The following TMEM170B variants were observed in gnomAD, a reference collection of about 807,000 sequenced individuals.
The protein encoded by TMEM170B is transmembrane protein 170B.
TMEM170B carries 6 observed loss-of-function variants against 13.0 expected under a neutral mutation model. The ratio of observed to expected loss-of-function variants is 0.46; its 90% CI spans 0.25 to 0.91. The LOEUF (loss-of-function observed/expected upper bound fraction) is 0.91. Ranked by LOEUF, TMEM170B falls within the 40% of genes least tolerant of loss-of-function variation. TMEM170B has a pLI of 0.17. For synonymous variants in TMEM170B, 61 were observed against 64.9 expected (o/e 0.94, Z 0.29); for missense variants, 138 against 165.2 (o/e 0.84, Z 0.90).
rs1436286050 is a variant in TMEM170B, at chr6:11,565,803, T to C, written c.235T>C (p.Phe79Leu). The change falls in exon 2 of 3, where the codon TTT becomes CTT. Residue 79 changes from phenylalanine (F) to leucine (L), a missense_variant. Phe to Leu is a conservative substitution (Grantham distance 22). Transcript: ENST00000379426. Reference sequence around the variant, plus strand: ...CTCTGTCATTGCAGTCAGCATTGGATTTCTGGCTTCTGTAACTGGAGCGAT... The same window carrying C: ...CTCTGTCATTGCAGTCAGCATTGGACTTCTGGCTTCTGTAACTGGAGCGAT... ...VISVIAVSIGFLASVTGAMIT... is the reference protein window; with the variant it reads ...VISVIAVSIGLLASVTGAMIT... 1.9e-6 allele frequency: 3 copies of C among 1,614,050 alleles called. No individual in the cohort carries two copies. Among genetic ancestry groups the C allele is most frequent in the African/African-American group, 2.7e-5 (2 of 74,938 alleles).
chr6:11,546,254 T>TTTTTTTTA (rs1374700253), intron 1 of TMEM170B, among the ~76,000 whole-genome samples: 50 of 152,136 alleles, frequency 3.3e-4, no homozygotes, highest in African/African-American at 1.1e-3. Flanking sequence ...AATTTTTTTT[T>TTTTTTTTA]AATTTTAGAA....
intron 1 of TMEM170B, among the ~76,000 whole-genome samples, chr6:11,565,352 A>G (rs1259332627): frequency 6.6e-6 from 1 of 152,238 alleles, no homozygotes; most frequent in Non-Finnish European, 1.5e-5. Flanking sequence ...TTATAATTCT[A>G]AGAAGTTTAC....
intron 1 of TMEM170B, among the ~76,000 whole-genome samples, chr6:11,547,247 G>A (rs781466542): frequency 3.3e-5 from 5 of 152,102 alleles, no homozygotes; most frequent in African/African-American, 1.2e-4. Flanking sequence ...TGAATATTTA[G>A]TATATATATT....
chr6:11,547,527 A>C (rs1164528566), intron 1 of TMEM170B, among the ~76,000 whole-genome samples: 1 of 152,202 alleles, frequency 6.6e-6, no homozygotes, highest in African/African-American at 2.4e-5. Context: ...TTTTTAAAAA[A>C]TGTGAAAAGT....
intron 1 of TMEM170B, among the ~76,000 whole-genome samples, chr6:11,541,400 C>A (rs1759359234): frequency 6.6e-6 from 1 of 152,160 alleles, no homozygotes; most frequent in African/African-American, 2.4e-5. Flanking sequence ...ATAGAGGTGT[C>A]TTTTGTTAAA....
chr6:11,560,179 T>A (rs1401651947), intron 1 of TMEM170B, among the ~76,000 whole-genome samples: 1 of 151,912 alleles, frequency 6.6e-6, no homozygotes, highest in African/African-American at 2.4e-5. Flanking sequence ...TTATTTTTTA[T>A]TTTTTGAGAC....
chr6:11,557,104 C>T (rs1479798092), intron 1 of TMEM170B, among the ~76,000 whole-genome samples: 1 of 152,160 alleles, frequency 6.6e-6, no homozygotes, highest in East Asian at 1.9e-4. Context: ...AAAATTGTAG[C>T]TGATTTCTTC....
intron 1 of TMEM170B, among the ~76,000 whole-genome samples, chr6:11,561,488 C>T (rs1436187827): frequency 2.6e-5 from 4 of 152,184 alleles, no homozygotes; most frequent in Non-Finnish European, 5.9e-5. Flanking sequence ...GTTCTCTTCA[C>T]CTGAACTAAT....
Position 11,580,337 on chromosome 6 carries a change from A to G in TMEM170B, c.*4776A>G, listed in dbSNP as rs938689357. The G allele has an allele frequency of 6.6e-6, 1 of 152,004 alleles. No homozygotes were observed. Among genetic ancestry groups the G allele is most frequent in the African/African-American group, 2.4e-5 (1 of 41,370 alleles). 9.4% of individuals were successfully genotyped at this position (152,004 alleles called of 1,614,324 possible). A position where few individuals can be genotyped will look rare whatever the true frequency, so the allele number is the denominator to read the frequency against. On this transcript the variant is annotated 3_prime_UTR_variant, in exon 3 of 3. Coordinates refer to ENST00000379426, the MANE Select transcript of TMEM170B (RefSeq NM_001100829.3). ...CTATTTTTTTTTAACTTCAAATACT[A>G]TTATTTTAAATTTATGTTCATTATG...
At chr6:11,546,667 T>G (rs1759445369) in intron 1 of TMEM170B, among the ~76,000 whole-genome samples, 1 of 152,222 alleles carries the variant, frequency 6.6e-6, no homozygotes, top group Admixed American at 6.5e-5. Context: ...TCCCATTGTG[T>G]TACAATTGCC....
At chr6:11,559,202 T>A (rs1254963983) in intron 1 of TMEM170B, among the ~76,000 whole-genome samples, 2 of 150,918 alleles carry the variant, frequency 1.3e-5, no homozygotes, top group Non-Finnish European at 3.0e-5. Flanking sequence ...CTTTTCTTTT[T>A]TTTTTTTTTG....
At chr6:11,567,355 T>TA (rs1759748224) in intron 2 of TMEM170B, among the ~76,000 whole-genome samples, 1 of 152,256 alleles carries the variant, frequency 6.6e-6, no homozygotes, top group Non-Finnish European at 1.5e-5. Flanking sequence ...GGCAGCTCAC[T>TA]GCTACCACTG....
chr6:11,565,397 T>G (rs527581896), intron 1 of TMEM170B, among the ~76,000 whole-genome samples: 1 of 152,182 alleles, frequency 6.6e-6, no homozygotes, highest in Non-Finnish European at 1.5e-5. Context: ...AATTGATGGA[T>G]GATAGCTATG....
chr6:11,563,829 G>A (rs62394951), intron 1 of TMEM170B, among the ~76,000 whole-genome samples: 2,801 of 152,254 alleles, frequency 0.018, 35 homozygotes, highest in Middle Eastern at 0.071. Flanking sequence ...AACTAGCCAG[G>A]CGTGGTGGCC....
At position 11,582,805 on chromosome 6, in the gene TMEM170B, A is replaced by G. The variant is rs1759974328; in HGVS notation, c.*7244A>G. On this transcript the variant is annotated 3_prime_UTR_variant, in exon 3 of 3. Transcript: ENST00000379426. ...AGGGGTAATACACAAAAACAAAGGCATATTTGATGAAGTACCCTGTGTTAT... is the reference window on the plus strand; with the variant it reads ...AGGGGTAATACACAAAAACAAAGGCGTATTTGATGAAGTACCCTGTGTTAT... 1 of 152,196 alleles carries G rather than the reference A, an allele frequency of 6.6e-6. No individual in the cohort carries two copies. The highest frequency in any genetic ancestry group is 2.4e-5 in the African/African-American group (1 of 41,460). The allele number at this position is 152,196 out of a possible 1,614,324, so 9.4% of individuals were successfully genotyped here. A position where few individuals can be genotyped will look rare whatever the true frequency, so the allele number is the denominator to read the frequency against.
Position 11,558,585 on chromosome 6 carries a change from T to C in TMEM170B, c.98-7081T>C, listed in dbSNP as rs549032089. Reference sequence around the variant, plus strand: ...TTTATTTTAGGCTCTCCCAGGTGACTCCAGCATACAGCCAAGTCCCACCTC... The same window carrying C: ...TTTATTTTAGGCTCTCCCAGGTGACCCCAGCATACAGCCAAGTCCCACCTC... On this transcript the variant is annotated intron_variant, in intron 1 of 2. Transcript: ENST00000379426. Among the ~76,000 whole-genome samples, 33 of 152,276 alleles carry C rather than the reference T, an allele frequency of 2.2e-4. No homozygotes were observed. The South Asian group carries it at 6.4e-3, about 30-fold the overall frequency.
chr6:11,547,449 A>G (rs1759455333), intron 1 of TMEM170B, among the ~76,000 whole-genome samples: 1 of 152,172 alleles, frequency 6.6e-6, no homozygotes, highest in Non-Finnish European at 1.5e-5. Context: ...AGAGTTATTT[A>G]TGTTTTGTAA....
intron 2 of TMEM170B, among the ~76,000 whole-genome samples, chr6:11,568,431 A>G (rs75058855): frequency 1.2e-3 from 57 of 48,092 alleles, no homozygotes; most frequent in South Asian, 9.9e-3. Context: ...TGGTATGTGT[A>G]TATATATATA....
At chr6:11,552,767 CTG>C (rs1260307996) in intron 1 of TMEM170B, among the ~76,000 whole-genome samples, 2 of 152,170 alleles carry the variant, frequency 1.3e-5, no homozygotes, top group South Asian at 2.1e-4. Flanking sequence ...TAGAATTTGA[CTG>C]TGTCAGAAGG....
Sources: gnomAD v4.1 joint callset for allele counts (sites outside exome capture counted in the v4.1 genomes callset) on GRCh38, gnomAD v4.1.1 for gene constraint, MANE v1.5 for transcripts, NCBI Gene and HGNC (gene_info 2026-07-23, HGNC 2026-07-21) for gene names.